KCNIP4: variants seen among roughly 807,000 people sequenced by gnomAD.
KCNIP4 encodes the protein Kv channel-interacting protein 4.
KCNIP4 carries 12 observed loss-of-function variants against 34.0 expected under a neutral mutation model. The observed-to-expected ratio is 0.35, with a 90% CI of 0.23 to 0.57. KCNIP4 has a LOEUF of 0.57. Among genes scored for constraint, KCNIP4 ranks in the 20% least tolerant of loss-of-function variants. KCNIP4 has a pLI of 0.83. For synonymous variants in KCNIP4, 124 were observed against 102.2 expected (o/e 1.21, Z -1.29); for missense variants, 238 against 311.7 (o/e 0.76, Z 1.78).
intron 1 of KCNIP4, among the ~76,000 whole-genome samples, chr4:21,859,775 T>A (rs1724966049): frequency 6.6e-6 from 1 of 152,176 alleles, no homozygotes; most frequent in East Asian, 1.9e-4. Context: ...ATGCCTGTAA[T>A]CCCAGCACTT....
intron 1 of KCNIP4, among the ~76,000 whole-genome samples, chr4:21,632,768 A>G (rs1465526577): frequency 6.6e-6 from 1 of 152,166 alleles, no homozygotes; most frequent in African/African-American, 2.4e-5. Context: ...GTGCCACAAG[A>G]AGGGTATCTG....
At chr4:21,261,236 C>T (rs908401938) in intron 1 of KCNIP4, among the ~76,000 whole-genome samples, 15 of 152,102 alleles carry the variant, frequency 9.9e-5, no homozygotes, top group African/African-American at 3.4e-4. Context: ...TAAATCAATG[C>T]TTGGCTTTAA....
intron 3 of KCNIP4, among the ~76,000 whole-genome samples, chr4:20,771,385 A>G (rs1755864528): frequency 6.6e-6 from 1 of 152,176 alleles, no homozygotes; most frequent in Non-Finnish European, 1.5e-5. Flanking sequence ...CTCATGTGTA[A>G]GCCATTTTTT....
At chr4:21,178,684 T>A (rs1450740397) in intron 1 of KCNIP4, among the ~76,000 whole-genome samples, 2 of 152,128 alleles carry the variant, frequency 1.3e-5, no homozygotes, top group Admixed American at 1.3e-4. Context: ...TTCTAAGTGT[T>A]TGCTTCCTCC....
chr4:20,987,878 G>C (rs902004437), intron 1 of KCNIP4, among the ~76,000 whole-genome samples: 1 of 151,284 alleles, frequency 6.6e-6, no homozygotes, highest in Non-Finnish European at 1.5e-5. Flanking sequence ...GTGGGCGCCT[G>C]TAGTCCCAGC....
rs147832907 is a variant in KCNIP4 at position 21,397,239 on chromosome 4, A to C, written c.62-514530T>G. Among the ~76,000 whole-genome samples, 10 of 152,362 alleles carry C rather than the reference A, an allele frequency of 6.6e-5. 1 individual carries two copies. The South Asian group carries it at 2.1e-3, about 32-fold the overall frequency. ...AGTTATATCCAAATAGCAAGGTGAC[A>C]AATTCTGGAAAACCTTTCATCTGAC... On this transcript the variant is annotated intron_variant, in intron 1 of 8. Coordinates refer to ENST00000382152, the MANE Select transcript of KCNIP4 (RefSeq NM_025221.6).
intron 1 of KCNIP4, among the ~76,000 whole-genome samples, chr4:21,407,254 A>T (rs925275796): frequency 1.3e-5 from 2 of 151,828 alleles, no homozygotes; most frequent in Non-Finnish European, 2.9e-5. Context: ...GTCACATGGC[A>T]GGCTCACCTC....
Position 21,386,155 on chromosome 4 carries a change from C to T in KCNIP4, c.62-503446G>A, listed in dbSNP as rs184235811. On this transcript the variant is annotated intron_variant, in intron 1 of 8. Transcript: ENST00000382152. ...GAACCTTGTGGTTTGTATGCAATTG[C>T]ATTTTTCATTATGTTCTTGTATCCT... is the stretch of plus-strand genomic sequence containing the variant. Among the ~76,000 whole-genome samples the T allele has an allele frequency of 9.1e-4, 138 of 152,230 alleles. 1 individual carries two copies. The highest frequency in any genetic ancestry group is 3.3e-3 in the African/African-American group (137 of 41,548).
At chr4:21,333,834 G>C (rs1199223865) in intron 1 of KCNIP4, among the ~76,000 whole-genome samples, 1 of 152,150 alleles carries the variant, frequency 6.6e-6, no homozygotes, top group Admixed American at 6.5e-5. Context: ...TGCTTCTGTT[G>C]ATAAGGATCA....
chr4:21,239,743 T>A (rs1260888402), intron 1 of KCNIP4, among the ~76,000 whole-genome samples: 1 of 152,122 alleles, frequency 6.6e-6, no homozygotes, highest in African/African-American at 2.4e-5. Context: ...GGAGAGGATG[T>A]GGAGAAATAG....
chr4:21,035,563 G>A (rs1290664900), intron 1 of KCNIP4, among the ~76,000 whole-genome samples: 3 of 152,124 alleles, frequency 2.0e-5, no homozygotes, highest in Admixed American at 1.3e-4. Flanking sequence ...CTAGCCATTG[G>A]ACAACCAAAA....
At chr4:21,893,296 T>C (rs902291783) in intron 1 of KCNIP4, among the ~76,000 whole-genome samples, 10 of 152,170 alleles carry the variant, frequency 6.6e-5, no homozygotes, top group African/African-American at 2.4e-4. Flanking sequence ...CATGATCCAA[T>C]GTATGCTTTG....
chr4:21,386,227 G>T (rs538463906), intron 1 of KCNIP4, among the ~76,000 whole-genome samples: 1 of 152,248 alleles, frequency 6.6e-6, no homozygotes, highest in South Asian at 2.1e-4. Flanking sequence ...ACAATAAAGA[G>T]AAATTGAACA....
At chr4:21,809,539 C>T (rs1721498884) in intron 1 of KCNIP4, among the ~76,000 whole-genome samples, 3 of 152,126 alleles carry the variant, frequency 2.0e-5, no homozygotes, top group African/African-American at 4.8e-5. Context: ...CCCTAATATG[C>T]ATATGTTCAC....
intron 3 of KCNIP4, among the ~76,000 whole-genome samples, chr4:20,812,512 C>A (rs1373917987): frequency 6.6e-6 from 1 of 152,120 alleles, no homozygotes; most frequent in East Asian, 1.9e-4. Flanking sequence ...AGGGAAGAGT[C>A]CAAGCTTAAA....
intron 1 of KCNIP4, among the ~76,000 whole-genome samples, chr4:20,890,143 GCTAA>G (rs374671028): frequency 3.3e-4 from 51 of 152,280 alleles, no homozygotes; most frequent in Non-Finnish European, 7.2e-4. Flanking sequence ...TTTGTTGAAT[GCTAA>G]CTATGTGCTA....
chr4:21,339,550 G>T (rs1201723584), intron 1 of KCNIP4, among the ~76,000 whole-genome samples: 1 of 152,132 alleles, frequency 6.6e-6, no homozygotes, highest in Non-Finnish European at 1.5e-5. Flanking sequence ...CTGAATATAG[G>T]TAATAGACCT....
chr4:21,879,924 A>C (rs1003231865), intron 1 of KCNIP4, among the ~76,000 whole-genome samples: 1 of 151,888 alleles, frequency 6.6e-6, no homozygotes. Flanking sequence ...TTTTTTCCCC[A>C]CTTTCACTCT....
intron 1 of KCNIP4, among the ~76,000 whole-genome samples, chr4:20,959,097 C>T (rs762831345): frequency 6.6e-6 from 1 of 152,100 alleles, no homozygotes; most frequent in African/African-American, 2.4e-5. Flanking sequence ...GTCGGTAACA[C>T]TGAAGAGGGA....
Sources: allele counts gnomAD v4.1 joint callset (sites outside exome capture counted in the v4.1 genomes callset), GRCh38; gene constraint gnomAD v4.1.1; transcripts MANE v1.5; gene names NCBI Gene and HGNC (gene_info 2026-07-23, HGNC 2026-07-21).